FGD6: variants seen among roughly 807,000 people sequenced by gnomAD.
FGD6 encodes FYVE, RhoGEF and PH domain-containing protein 6.
Under a neutral mutation model 149.4 loss-of-function variants are expected in FGD6, and 90 were observed. The observed-to-expected ratio is 0.60, with a 90% CI of 0.51 to 0.72. The LOEUF (loss-of-function observed/expected upper bound fraction) is 0.72. Ranked by LOEUF, FGD6 falls within the 30% of genes least tolerant of loss-of-function variation. The pLI, the probability that FGD6 is intolerant of heterozygous loss-of-function variation, is 0.00. For synonymous variants in FGD6, 527 were observed against 584.0 expected (o/e 0.90, Z 1.41); for missense variants, 1,437 against 1,684.8 (o/e 0.85, Z 2.57).
At chr12:95,156,844 C>A (rs930128209) in intron 3 of FGD6, among the ~76,000 whole-genome samples, 4 of 152,126 alleles carry the variant, frequency 2.6e-5, no homozygotes, top group African/African-American at 9.7e-5. Flanking sequence ...ATGAAAACAA[C>A]CTACGTGAAA....
At chr12:95,168,410 T>A (rs558173331) in intron 3 of FGD6, among the ~76,000 whole-genome samples, 1 of 152,310 alleles carries the variant, frequency 6.6e-6, no homozygotes, top group African/African-American at 2.4e-5. Flanking sequence ...ACGCCTGTAA[T>A]CCCGGCACTT....
intron 14 of FGD6, chr12:95,100,531 G>A (rs892043768): frequency 5.6e-6 from 2 of 358,186 alleles, no homozygotes; most frequent in African/African-American, 4.4e-5. Flanking sequence ...CATCCACAAG[G>A]CTCCCAACTC....
At chr12:95,083,741 A>AC (rs1877770871) in intron 20 of FGD6, among the ~76,000 whole-genome samples, 1 of 152,240 alleles carries the variant, frequency 6.6e-6, no homozygotes, top group Non-Finnish European at 1.5e-5. Context: ...TTGCTCACTC[A>AC]AAGCATTCTT....
chr12:95,080,698 G>A lies in FGD6; in HGVS notation c.*822C>T, dbSNP rs2136228306. The A allele has an allele frequency of 6.6e-6, 1 of 152,208 alleles. No individual in the cohort carries two copies. Among genetic ancestry groups the A allele is most frequent in the East Asian group, 1.9e-4 (1 of 5,184 alleles). The allele number at this position is 152,208 out of a possible 1,614,324, so 9.4% of individuals were successfully genotyped here. A position where few individuals can be genotyped will look rare whatever the true frequency, so the allele number is the denominator to read the frequency against. ...CTCTTATAATAGCAGGGAATATTAT[G>A]TGACATAATGCTTGCTATATTTTGC... On this transcript the variant is annotated 3_prime_UTR_variant, in exon 21 of 21. Transcript: ENST00000343958.
chr12:95,174,695 G>A (rs1881079265), intron 2 of FGD6, among the ~76,000 whole-genome samples: 2 of 152,212 alleles, frequency 1.3e-5, no homozygotes. Flanking sequence ...TTGGGAAGCT[G>A]AGGCGGGTGG....
At chr12:95,087,916 CCTAT>C (rs1056640965) in intron 18 of FGD6, among the ~76,000 whole-genome samples, 6 of 151,700 alleles carry the variant, frequency 4.0e-5, no homozygotes, top group African/African-American at 1.5e-4. Flanking sequence ...AGAATTGTTT[CCTAT>C]CTCAGTGAAA....
intron 2 of FGD6, among the ~76,000 whole-genome samples, chr12:95,184,305 T>C (rs1013715934): frequency 3.3e-5 from 5 of 152,274 alleles, no homozygotes; most frequent in Admixed American, 1.3e-4. Flanking sequence ...AAAGGCTTCT[T>C]GGGAGCCCAT....
intron 18 of FGD6, among the ~76,000 whole-genome samples, chr12:95,086,776 G>A (rs1459472847): frequency 6.8e-6 from 1 of 147,776 alleles, no homozygotes; most frequent in Admixed American, 6.9e-5. Flanking sequence ...TCCATCTCCC[G>A]ACCTTGTGAT....
chr12:95,122,607 T>C (rs991528238), intron 8 of FGD6, among the ~76,000 whole-genome samples: 3 of 138,800 alleles, frequency 2.2e-5, no homozygotes, highest in Admixed American at 8.0e-5. Flanking sequence ...GATTGCACCA[T>C]TGCACTCTAG....
rs751124109 is a variant in FGD6 at position 95,210,074 on chromosome 12, T to C, written c.1210A>G (p.Met404Val). Residue 404 changes from methionine to valine, a missense_variant, in exon 2 of 21, where the codon ATG (methionine) becomes GTG (valine). Transcript: ENST00000343958. The part of the protein sequence containing the change: ...AQDLVNSQKA[M>V]CNETTSFEKM... ...TCAAAGGAAGTTGTTTCATTACACA[T>C]GGCTTTCTGTGAATTGACTAAGTCC... The C allele has an allele frequency of 6.2e-7, 1 of 1,614,170 alleles. No homozygotes were observed.
At chr12:95,213,249 T>C (rs759776217) in intron 1 of FGD6, among the ~76,000 whole-genome samples, 3 of 152,104 alleles carry the variant, frequency 2.0e-5, no homozygotes. Flanking sequence ...TATCAAAACA[T>C]CCTACCTCTG....
chr12:95,155,560 C>A (rs1279404330), intron 3 of FGD6, among the ~76,000 whole-genome samples: 1 of 152,094 alleles, frequency 6.6e-6, no homozygotes, highest in Non-Finnish European at 1.5e-5. Context: ...CAAAAAAAAC[C>A]TGCAATCACT....
At chr12:95,197,373 G>A (rs976172499) in intron 2 of FGD6, among the ~76,000 whole-genome samples, 1 of 152,070 alleles carries the variant, frequency 6.6e-6, no homozygotes, top group African/African-American at 2.4e-5. Context: ...GGGAGGTGGA[G>A]GCTGAAGTGA....
At chr12:95,104,443 A>AT (rs147808426) in intron 14 of FGD6, among the ~76,000 whole-genome samples, 19 of 150,776 alleles carry the variant, frequency 1.3e-4, no homozygotes, top group Non-Finnish European at 1.5e-4. Context: ...TAAAAAAAAA[A>AT]TTTTTTTTTT....
chr12:95,084,174 G>C (rs553572341), intron 20 of FGD6, among the ~76,000 whole-genome samples: 187 of 152,314 alleles, frequency 1.2e-3, no homozygotes, highest in Non-Finnish European at 2.2e-3. Flanking sequence ...TACCCTCATA[G>C]AAGGAGAGGT....
At chr12:95,111,614 C>G (rs1878825497) in intron 9 of FGD6, among the ~76,000 whole-genome samples, 2 of 152,100 alleles carry the variant, frequency 1.3e-5, no homozygotes, top group South Asian at 4.1e-4. Context: ...GCAAAGCTTC[C>G]CTGCCTCTTT....
chr12:95,100,792 T>C (rs1039148174), intron 14 of FGD6: 4 of 445,426 alleles, frequency 9.0e-6, no homozygotes, highest in South Asian at 1.8e-5. Flanking sequence ...AACAGAAAAA[T>C]GCCCTTTTCC....
chr12:95,138,310 G>C (rs1879739949), intron 6 of FGD6, among the ~76,000 whole-genome samples: 1 of 152,082 alleles, frequency 6.6e-6, no homozygotes, highest in Admixed American at 6.6e-5. Context: ...TTGGGAGGCC[G>C]AGACGGGCAG....
chr12:95,150,974 T>A (rs890312445), intron 5 of FGD6, among the ~76,000 whole-genome samples: 18 of 151,856 alleles, frequency 1.2e-4, no homozygotes, highest in African/African-American at 4.1e-4. Context: ...ATGGCTGTGG[T>A]CCCAGCTACT....
Sources: allele counts gnomAD v4.1 joint callset (sites outside exome capture counted in the v4.1 genomes callset), GRCh38; gene constraint gnomAD v4.1.1; transcripts MANE v1.5; gene names NCBI Gene and HGNC (gene_info 2026-07-23, HGNC 2026-07-21).